VCAM1: variants seen among roughly 807,000 people sequenced by gnomAD.
The protein encoded by VCAM1 is vascular cell adhesion protein 1.
A neutral mutation model predicts 63.8 loss-of-function variants in VCAM1; 41 were observed. The observed-to-expected ratio is 0.64, with a 90% CI of 0.50 to 0.83. The LOEUF is 0.83. VCAM1 is among the 40% of genes least tolerant of loss of function. The pLI, the probability that VCAM1 is intolerant of heterozygous loss-of-function variation, is 0.00. For missense variants in VCAM1, 798 were observed against 875.5 expected, an observed-to-expected ratio of 0.91 and a Z score of 1.12; for synonymous variants, 338 against 320.7, an observed-to-expected ratio of 1.05 and a Z score of -0.58.
In VCAM1 at chr1:100,738,331, C is replaced by T. The variant is rs1251484429; in HGVS notation, c.*48C>T. 1 of 1,563,310 alleles carries T rather than the reference C, an allele frequency of 6.4e-7. No individual in the cohort carries two copies. The highest frequency in any genetic ancestry group is 8.7e-7 in the Non-Finnish European group (1 of 1,147,732). The stretch of plus-strand genomic sequence containing the variant: ...GGAGACACTATTTATCTGTGCAAAT[C>T]CTTGATACTGCTCATCATTCCTTGA... On this transcript the variant is annotated 3_prime_UTR_variant, in exon 9 of 9. Coordinates refer to ENST00000294728, the MANE Select transcript of VCAM1 (RefSeq NM_001078.4).
chr1:100,738,526 C>T lies in VCAM1; in HGVS notation c.*243C>T. On this transcript the variant is annotated 3_prime_UTR_variant, in exon 9 of 9. Transcript: ENST00000294728. Reference sequence around the variant, plus strand: ...GGAGGAGTTCCTTGATCTGTATATACAATAACATAATTTGTACATATGTAA... The same window carrying T: ...GGAGGAGTTCCTTGATCTGTATATATAATAACATAATTTGTACATATGTAA... The T allele has an allele frequency of 1.0e-5, 3 of 295,548 alleles. No individual in the cohort carries two copies. Among genetic ancestry groups the T allele is most frequent in the Non-Finnish European group, 1.9e-5 (3 of 159,698 alleles). 18.3% of individuals were successfully genotyped at this position (295,548 alleles called of 1,614,324 possible).
In VCAM1 at chr1:100,720,651, G is replaced by A; in HGVS notation, c.240G>A (p.Leu80=). The A allele has an allele frequency of 6.2e-7, 1 of 1,613,218 alleles. No individual in the cohort carries two copies. Among genetic ancestry groups the A allele is most frequent in the African/African-American group, 1.3e-5 (1 of 74,954 alleles). Residue 80 remains leucine, a synonymous_variant, in exon 2 of 9, where the codon CTG becomes CTA. Coordinates refer to ENST00000294728, the MANE Select transcript of VCAM1 (RefSeq NM_001078.4). ...CGAATGAGGGGACCACATCTACGCT[G>A]ACAATGAATCCTGTTAGTTTTGGGA... ...KVTNEGTTST[L]TMNPVSFGNE...
intron 4 of VCAM1, among the ~76,000 whole-genome samples, chr1:100,727,412 G>A (rs550352059): frequency 6.6e-6 from 1 of 151,968 alleles, no homozygotes; most frequent in Non-Finnish European, 1.5e-5. Flanking sequence ...TGTTAGGTTA[G>A]CATTCTCAAG....
chr1:100,729,162 A>T lies in VCAM1; in HGVS notation c.984A>T (p.Gly328=). ...SPGPRIAAQI[G]DSVMLTCSVM... ...GACCCCGGATTGCTGCTCAGATTGG[A>T]GACTCAGTCATGTTGACATGTAGTG... The change falls in exon 5 of 9, where the codon GGA becomes GGT. Residue 328 remains glycine (G), a synonymous_variant. Coordinates refer to ENST00000294728, the MANE Select transcript of VCAM1 (RefSeq NM_001078.4). 6.2e-7 allele frequency: 1 copy of T among 1,611,962 alleles called. No individual in the cohort carries two copies. The highest frequency in any genetic ancestry group is 8.5e-7 in the Non-Finnish European group (1 of 1,178,634).
In VCAM1 at chr1:100,720,505, G is replaced by C. The variant is rs542428165; in HGVS notation, c.94G>C (p.Glu32Gln). 3 of 1,610,850 alleles carry C rather than the reference G, an allele frequency of 1.9e-6. No homozygotes were observed. The South Asian group carries it at 3.3e-5, about 18-fold the overall frequency. Residue 32 changes from glutamate (E) to glutamine (Q), a missense_variant, in exon 2 of 9, where the codon GAA becomes CAA. Physicochemically the swap from Glu to Gln is conservative, Grantham distance 29 (BLOSUM62 2). Transcript: ENST00000294728. ...SQAFKIETTP[E>Q]SRYLAQIGDS... Reference sequence around the variant, plus strand: ...AGCTTTTAAAATCGAGACCACCCCAGAATCTAGATATCTTGCTCAGATTGG... The same window carrying C: ...AGCTTTTAAAATCGAGACCACCCCACAATCTAGATATCTTGCTCAGATTGG...
In VCAM1 at chr1:100,724,613, T is replaced by A; in HGVS notation, c.662-11T>A. Reference sequence around the variant, plus strand: ...CTTAGCAATTGCTAATATTATTTTTTGCCCTTTCAGTATCACCCAAGAATA... The same window carrying A: ...CTTAGCAATTGCTAATATTATTTTTAGCCCTTTCAGTATCACCCAAGAATA... On this transcript the variant is annotated splice_polypyrimidine_tract_variant and intron_variant, in intron 3 of 8. Transcript: ENST00000294728. 6.2e-7 allele frequency: 1 copy of A among 1,607,554 alleles called. No homozygotes were observed. Among genetic ancestry groups the A allele is most frequent in the East Asian group, 2.2e-5 (1 of 44,706 alleles).
chr1:100,728,100 CT>C (rs3917047), intron 4 of VCAM1, among the ~76,000 whole-genome samples: 3,674 of 152,066 alleles, frequency 0.024, 150 homozygotes, highest in African/African-American at 0.086. Context: ...GTGGTGTTCC[CT>C]TTCTCCCTAA....
rs201513859 is a variant in VCAM1, at chr1:100,719,854, A to G, written c.-7A>G. On this transcript the variant is annotated 5_prime_UTR_variant, in exon 1 of 9. Transcript: ENST00000294728. Reference sequence around the variant, plus strand: ...CCACTATTTTCTCATCACGACAGCAACTTAAAATGCCTGGGAAGATGGTCG... The same window carrying G: ...CCACTATTTTCTCATCACGACAGCAGCTTAAAATGCCTGGGAAGATGGTCG... 3.7e-6 allele frequency: 6 copies of G among 1,611,122 alleles called. No homozygotes were observed. In the Admixed American group the frequency reaches 1.0e-4, roughly 27 times the overall value.
chr1:100,721,778 TC>T, intron 2 of VCAM1, among the ~76,000 whole-genome samples: 1 of 152,050 alleles, frequency 6.6e-6, no homozygotes, highest in Admixed American at 6.6e-5. Flanking sequence ...CTTGAAAGCT[TC>T]CCTTATGTAA....
chr1:100,726,023 TTTGTATCCA>T (rs1299319469), intron 4 of VCAM1, among the ~76,000 whole-genome samples: 1 of 151,990 alleles, frequency 6.6e-6, no homozygotes, highest in Admixed American at 6.6e-5. Context: ...TAACTGAACC[TTTGTATCCA>T]TTGACCAACA....
rs1263775223 is a variant in VCAM1 at position 100,720,765 on chromosome 1, A to C, written c.340+14A>C. ...TGGAGATCTACTGTGAGTGCTTTAG[A>C]AAATCTTTGTTTTTCTCTCAATTTT... On this transcript the variant is annotated intron_variant, in intron 2 of 8. Transcript: ENST00000294728. 5 of 1,568,136 alleles carry C rather than the reference A, an allele frequency of 3.2e-6. No individual in the cohort carries two copies. The East Asian group carries it at 9.0e-5, about 28-fold the overall frequency.
intron 7 of VCAM1, among the ~76,000 whole-genome samples, chr1:100,733,141 A>T (rs994280415): frequency 6.6e-6 from 1 of 152,224 alleles, no homozygotes; most frequent in African/African-American, 2.4e-5. Context: ...GATTATGAGT[A>T]GCCATGACTC....
In VCAM1 at chr1:100,731,337, G is replaced by T; in HGVS notation, c.1344G>T (p.Glu448Asp). ...IELLKGETIL[E>D]NIEFLEDTDM... ...TACTTAAGGGGGAGACTATTCTGGAGAATATAGAGTTTTTGGAGGATACGG... is the reference window on the plus strand; with the variant it reads ...TACTTAAGGGGGAGACTATTCTGGATAATATAGAGTTTTTGGAGGATACGG... Residue 448 changes from glutamate (E) to aspartate (D), a missense_variant, in exon 6 of 9, where the codon GAG becomes GAT. Physicochemically the swap from Glu to Asp is conservative, Grantham distance 45. Coordinates refer to ENST00000294728, the MANE Select transcript of VCAM1 (RefSeq NM_001078.4). This position sits in a 1 kb window ranked among gnomAD's most constrained non-coding sequence, Gnocchi z 4.2. 1.2e-6 allele frequency: 2 copies of T among 1,613,774 alleles called. No homozygotes were observed. Among genetic ancestry groups the T allele is most frequent in the Admixed American group, 1.7e-5 (1 of 59,946 alleles).
At position 100,731,177 on chromosome 1, in the gene VCAM1, G is replaced by A. The variant is rs371928358; in HGVS notation, c.1205-21G>A. 6.1e-5 allele frequency: 95 copies of A among 1,564,968 alleles called. No individual in the cohort carries two copies. The highest frequency in any genetic ancestry group is 4.3e-4 in the South Asian group (36 of 83,612). On this transcript the variant is annotated intron_variant, in intron 5 of 8. Transcript: ENST00000294728. This position sits in a 1 kb window ranked among gnomAD's most constrained non-coding sequence, Gnocchi z 4.2. Reference sequence around the variant, plus strand: ...TCCTTGAATATCAAGAATAAAAATCGTTTTTGCTTGCGATTTGCAGCATTC... The same window carrying A: ...TCCTTGAATATCAAGAATAAAAATCATTTTTGCTTGCGATTTGCAGCATTC...
rs542464501 is a variant in VCAM1, at chr1:100,730,650, G to A, written c.1205-548G>A. Among the ~76,000 whole-genome samples, 278 of 152,168 alleles carry A rather than the reference G, an allele frequency of 1.8e-3. 1 individual carries two copies. The highest frequency in any genetic ancestry group is 6.4e-3 in the African/African-American group (266 of 41,524). On this transcript the variant is annotated intron_variant, in intron 5 of 8. Coordinates refer to ENST00000294728, the MANE Select transcript of VCAM1 (RefSeq NM_001078.4). ...CTGTAAAACCAAAGCTGGGCTCTGA[G>A]GTCAGAGAAATATGGATTTGCAGCC...
rs1660023119 is a variant in VCAM1, at chr1:100,723,159, G to A, written c.480G>A (p.Lys160=). 4 of 1,613,112 alleles carry A rather than the reference G, an allele frequency of 2.5e-6. No homozygotes were observed. Among genetic ancestry groups the A allele is most frequent in the Non-Finnish European group, 3.4e-6 (4 of 1,179,456 alleles). ...IDLLKGDHLM[K]SQEFLEDADR... ...TACTGAAAGGAGATCATCTCATGAAGAGTCAGGAATTTCTGGAGGATGCAG... is the reference window on the plus strand; with the variant it reads ...TACTGAAAGGAGATCATCTCATGAAAAGTCAGGAATTTCTGGAGGATGCAG... Residue 160 remains lysine (K), a synonymous_variant, in exon 3 of 9, where the codon AAG becomes AAA. Transcript: ENST00000294728.
chr1:100,722,911 G>C (rs1660004076), intron 2 of VCAM1, 109 bp from the exon 3 acceptor site: 1 of 1,230,390 alleles, frequency 8.1e-7, no homozygotes, highest in East Asian at 2.5e-5. Context: ...GTCGTATTAA[G>C]ACTGTATTAA....
At position 100,719,864 on chromosome 1, in the gene VCAM1, C is replaced by T. The variant is rs1659889295; in HGVS notation, c.4C>T (p.Pro2Ser). Reference sequence around the variant, plus strand: ...CTCATCACGACAGCAACTTAAAATGCCTGGGAAGATGGTCGTGATCCTTGG... The same window carrying T: ...CTCATCACGACAGCAACTTAAAATGTCTGGGAAGATGGTCGTGATCCTTGG... M[P>S]GKMVVILGAS... Residue 2 changes from proline to serine, a missense_variant, in exon 1 of 9, where the codon CCT becomes TCT. Physicochemically the swap from Pro to Ser is moderately conservative, Grantham distance 74 (BLOSUM62 -1). Transcript: ENST00000294728. The T allele has an allele frequency of 1.2e-6, 2 of 1,611,072 alleles. No homozygotes were observed. Among genetic ancestry groups the T allele is most frequent in the Admixed American group, 1.7e-5 (1 of 59,872 alleles).
Position 100,729,139 on chromosome 1 carries a change from C to T in VCAM1, c.961C>T (p.Pro321Ser), listed in dbSNP as rs775858763. ...ATTTACTGTTGAGATCTCCCCTGGACCCCGGATTGCTGCTCAGATTGGAGA... is the reference window on the plus strand; with the variant it reads ...ATTTACTGTTGAGATCTCCCCTGGATCCCGGATTGCTGCTCAGATTGGAGA... ...KPFTVEISPG[P>S]RIAAQIGDSV... Residue 321 changes from proline (P) to serine (S), a missense_variant, in exon 5 of 9, where the codon CCC (proline) becomes TCC (serine). Coordinates refer to ENST00000294728, the MANE Select transcript of VCAM1 (RefSeq NM_001078.4). 1.2e-6 allele frequency: 2 copies of T among 1,605,844 alleles called. No homozygotes were observed. The highest frequency in any genetic ancestry group is 1.1e-5 in the South Asian group (1 of 90,068).
Sources: allele counts gnomAD v4.1 joint callset (sites outside exome capture counted in the v4.1 genomes callset), GRCh38; gene constraint gnomAD v4.1.1; non-coding constraint Gnocchi (gnomAD v3.1); transcripts MANE v1.5; gene names NCBI Gene and HGNC (gene_info 2026-07-23, HGNC 2026-07-21).